The following LRMDA variants were observed in gnomAD, a reference collection of about 807,000 sequenced individuals.
The protein encoded by LRMDA is leucine-rich melanocyte differentiation-associated protein.
LRMDA carries 18 observed loss-of-function variants against 29.8 expected under a neutral mutation model. The observed-to-expected ratio is 0.60, with a 90% CI of 0.42 to 0.90. The LOEUF is 0.90. Among genes scored for constraint, LRMDA ranks in the 40% least tolerant of loss-of-function variants. The pLI is 0.00. For synonymous variants in LRMDA, 125 were observed against 109.4 expected (o/e 1.14, Z -0.89); for missense variants, 273 against 273.9 (o/e 1.00, Z 0.02).
At chr10:75,895,331 A>G (rs1845563641) in intron 2 of LRMDA, among the ~76,000 whole-genome samples, 1 of 152,240 alleles carries the variant, frequency 6.6e-6, no homozygotes, top group African/African-American at 2.4e-5. Context: ...ACAAACAACA[A>G]AAGTGAATAT....
chr10:75,735,140 A>T (rs551161589), intron 2 of LRMDA, among the ~76,000 whole-genome samples: 1 of 152,322 alleles, frequency 6.6e-6, no homozygotes, highest in African/African-American at 2.4e-5. Context: ...CACTCAATAA[A>T]CATTTATTGA....
At chr10:75,918,116 T>C (rs888034060) in intron 2 of LRMDA, among the ~76,000 whole-genome samples, 3 of 152,138 alleles carry the variant, frequency 2.0e-5, no homozygotes, top group Non-Finnish European at 2.9e-5. Context: ...GAGAACTTGA[T>C]GAGATCATGG....
intron 2 of LRMDA, among the ~76,000 whole-genome samples, chr10:75,802,894 T>C (rs1327843635): frequency 1.3e-5 from 2 of 151,740 alleles, no homozygotes; most frequent in African/African-American, 4.8e-5. Context: ...ACTGAGAAGT[T>C]ATTTGTGGTC....
rs182411836 is a variant in LRMDA, at chr10:75,714,429, A to G, written c.131+275935A>G. Among the ~76,000 whole-genome samples, 14 of 152,316 alleles carry G rather than the reference A, an allele frequency of 9.2e-5. No homozygotes were observed. The East Asian group carries it at 2.7e-3, about 29-fold the overall frequency. On this transcript the variant is annotated intron_variant, in intron 2 of 6. Coordinates refer to ENST00000611255, the MANE Select transcript of LRMDA (RefSeq NM_001305581.2). ...AGAGCTGGCTAACTGCTTGGATATT[A>G]TATTGTATATTAATCCCGGTATTGA...
At chr10:75,444,291 C>T (rs557451839) in intron 2 of LRMDA, among the ~76,000 whole-genome samples, 23 of 152,284 alleles carry the variant, frequency 1.5e-4, no homozygotes, top group Non-Finnish European at 2.8e-4. Flanking sequence ...GTTTTTGTGA[C>T]TCTTTTCTGG....
At chr10:76,143,542 TG>T (rs1446144408) in intron 5 of LRMDA, among the ~76,000 whole-genome samples, 2 of 152,100 alleles carry the variant, frequency 1.3e-5, no homozygotes, top group Admixed American at 6.5e-5. Flanking sequence ...TGGGGTTGTT[TG>T]TTTTTTTCTT....
At chr10:76,155,074 G>C (rs1589354302) in intron 5 of LRMDA, among the ~76,000 whole-genome samples, 1 of 152,206 alleles carries the variant, frequency 6.6e-6, no homozygotes, top group East Asian at 1.9e-4. Context: ...GTATTTCCTA[G>C]AGAAGAATGA....
chr10:75,761,735 A>G (rs977266549), intron 2 of LRMDA, among the ~76,000 whole-genome samples: 1 of 152,172 alleles, frequency 6.6e-6, no homozygotes, highest in African/African-American at 2.4e-5. Context: ...GATATCTAAG[A>G]AGCAAGGAGA....
chr10:75,753,445 GTCC>G (rs1163636413), intron 2 of LRMDA, among the ~76,000 whole-genome samples: 2 of 152,220 alleles, frequency 1.3e-5, no homozygotes. Flanking sequence ...GGCCACGAAA[GTCC>G]TCTTCAAAAA....
chr10:75,715,111 T>G (rs2132181607), intron 2 of LRMDA, among the ~76,000 whole-genome samples: 1 of 152,250 alleles, frequency 6.6e-6, no homozygotes, highest in South Asian at 2.1e-4. Flanking sequence ...AGGAGCCCGA[T>G]TCCTCAGTGG....
chr10:75,773,467 G>A (rs1843270184), intron 2 of LRMDA, among the ~76,000 whole-genome samples: 1 of 152,164 alleles, frequency 6.6e-6, no homozygotes, highest in Non-Finnish European at 1.5e-5. Context: ...AGCAGGTCTG[G>A]TGAGAGGGGA....
chr10:76,299,224 G>A (rs1353807039), intron 5 of LRMDA, among the ~76,000 whole-genome samples: 1 of 151,418 alleles, frequency 6.6e-6, no homozygotes, highest in Non-Finnish European at 1.5e-5. Context: ...TAAGTATATT[G>A]TGTGTGTCCA....
intron 5 of LRMDA, among the ~76,000 whole-genome samples, chr10:76,262,284 G>T (rs568529015): frequency 2.0e-5 from 3 of 152,160 alleles, no homozygotes; most frequent in South Asian, 2.1e-4. Flanking sequence ...AATCACCGGG[G>T]TTCTCAGTGA....
At chr10:76,290,510 C>T (rs960673411) in intron 5 of LRMDA, among the ~76,000 whole-genome samples, 1 of 149,574 alleles carries the variant, frequency 6.7e-6, no homozygotes, top group African/African-American at 2.5e-5. Context: ...GTAACCTCTG[C>T]CTCCTGGGTT....
intron 2 of LRMDA, among the ~76,000 whole-genome samples, chr10:75,700,919 G>A (rs1037359531): frequency 2.0e-5 from 3 of 152,176 alleles, no homozygotes; most frequent in Admixed American, 6.5e-5. Flanking sequence ...ATTCCACTTT[G>A]CAGTCATTAA....
intron 2 of LRMDA, among the ~76,000 whole-genome samples, chr10:75,760,569 G>A (rs1167451978): frequency 1.3e-5 from 2 of 152,090 alleles, no homozygotes; most frequent in East Asian, 3.9e-4. Context: ...GCAGAAGCAG[G>A]GCCTTCCATC....
intron 6 of LRMDA, among the ~76,000 whole-genome samples, chr10:76,481,016 C>G (rs1211547756): frequency 2.0e-5 from 3 of 151,744 alleles, no homozygotes; most frequent in Non-Finnish European, 4.4e-5. Context: ...ATTTTTGGAT[C>G]AATTTAGAAT....
intron 6 of LRMDA, among the ~76,000 whole-genome samples, chr10:76,422,640 A>T (rs571776030): frequency 6.6e-6 from 1 of 152,256 alleles, no homozygotes; most frequent in South Asian, 2.1e-4. Context: ...AGAAAGTATT[A>T]ATTCTTAAGG....
At chr10:76,230,725 A>C (rs1038127198) in intron 5 of LRMDA, among the ~76,000 whole-genome samples, 1 of 152,206 alleles carries the variant, frequency 6.6e-6, no homozygotes, top group African/African-American at 2.4e-5. Flanking sequence ...CAGACTTGTC[A>C]ATTTCAACAA....
Sources: gnomAD v4.1 joint callset for allele counts (sites outside exome capture counted in the v4.1 genomes callset) on GRCh38, gnomAD v4.1.1 for gene constraint, MANE v1.5 for transcripts, NCBI Gene and HGNC (gene_info 2026-07-23, HGNC 2026-07-21) for gene names.